The following MKLN1 variants were observed in gnomAD, a reference collection of about 807,000 sequenced individuals.
MKLN1 encodes the protein muskelin.
Under a neutral mutation model 99.0 loss-of-function variants are expected in MKLN1, and 18 were observed. The ratio of observed to expected loss-of-function variants is 0.18; its 90% CI spans 0.13 to 0.27. The LOEUF is 0.27. Among genes scored for constraint, MKLN1 ranks in the 10% least tolerant of loss-of-function variants. The probability of loss-of-function intolerance (pLI) is 1.00; values close to 1 mark genes in which losing one functional copy is unlikely to be tolerated. For synonymous variants in MKLN1, 288 were observed against 293.2 expected (o/e 0.98, Z 0.18); for missense variants, 621 against 875.9 (o/e 0.71, Z 3.67).
At chr7:131,455,982 G>A (rs1246588742) in intron 12 of MKLN1, among the ~76,000 whole-genome samples, 1 of 152,070 alleles carries the variant, frequency 6.6e-6, no homozygotes, top group African/African-American at 2.4e-5. Context: ...GGAGGCAGAG[G>A]TTGCAGTGAA....
At chr7:131,444,586 T>A (rs1357597514) in intron 11 of MKLN1, among the ~76,000 whole-genome samples, 2 of 151,966 alleles carry the variant, frequency 1.3e-5, no homozygotes, top group African/African-American at 4.8e-5. Context: ...ACTTTATATC[T>A]TTTCTTTTTA....
At position 131,119,671 on chromosome 7, in the gene MKLN1, T is replaced by C. The variant is rs569949675; in HGVS notation, c.-419+9464T>C. On this transcript the variant is annotated intron_variant, in intron 1 of 7. Coordinates refer to the MKLN1 transcript ENST00000416992. ...TGCAGAGACTCCCAAACCTTGATTC[T>C]TGCCTTCTGTGCACCCACAGGCCCA... is the stretch of plus-strand genomic sequence containing the variant. Among the ~76,000 whole-genome samples the C allele has an allele frequency of 9.6e-4, 146 of 152,342 alleles. 1 individual carries two copies. The highest frequency in any genetic ancestry group is 3.4e-3 in the African/African-American group (143 of 41,582).
At chr7:131,214,312 C>T (rs1796947574) in intron 3 of MKLN1, among the ~76,000 whole-genome samples, 1 of 151,754 alleles carries the variant, frequency 6.6e-6, no homozygotes, top group African/African-American at 2.4e-5. Flanking sequence ...GCTTCTGTTG[C>T]ATGTCTTGGC....
intron 3 of MKLN1, chr7:131,310,034 G>A (rs1004624705): frequency 6.6e-6 from 1 of 152,280 alleles, no homozygotes; most frequent in East Asian, 1.9e-4. Flanking sequence ...CCACAAGTGG[G>A]TTTTTAAAAG....
intron 3 of MKLN1, among the ~76,000 whole-genome samples, chr7:131,387,497 T>C (rs1177167138): frequency 6.6e-6 from 1 of 152,156 alleles, no homozygotes; most frequent in Admixed American, 6.5e-5. Context: ...ACAAACTTTT[T>C]TGTTTCATCC....
chr7:131,375,556 A>G (rs957182029), intron 2 of MKLN1, 63 bp downstream of exon 2: 6 of 950,146 alleles, frequency 6.3e-6, no homozygotes, highest in African/African-American at 3.2e-5. Context: ...CACTCAATTG[A>G]TACTAGTTAT....
chr7:131,254,846 A>C (rs976966180), intron 3 of MKLN1, among the ~76,000 whole-genome samples: 1 of 152,188 alleles, frequency 6.6e-6, no homozygotes, highest in Non-Finnish European at 1.5e-5. Context: ...GGTTACCAGA[A>C]GAAGAGGAGA....
rs181772694 is a variant in MKLN1 at position 131,250,276 on chromosome 7, G to A, written c.-179+47302G>A. On this transcript the variant is annotated intron_variant, in intron 3 of 7. Transcript: ENST00000416992. ...GAGATGATGAGTGCAGGCTGAAGCG[G>A]GAACCCAGGGAAGAGACCCTTCCAT... Among the ~76,000 whole-genome samples the A allele has an allele frequency of 2.6e-3, 393 of 152,254 alleles. 1 individual carries two copies. Among genetic ancestry groups the A allele is most frequent in the Non-Finnish European group, 4.4e-3 (298 of 68,016 alleles).
intron 1 of MKLN1, chr7:131,328,233 G>C: frequency 1.9e-6 from 1 of 529,234 alleles, no homozygotes; most frequent in Non-Finnish European, 3.3e-6. Context: ...GGCGGATCCG[G>C]GGCGCGCACA....
chr7:131,406,827 G>T (rs1350314896), intron 6 of MKLN1, among the ~76,000 whole-genome samples: 1 of 151,996 alleles, frequency 6.6e-6, no homozygotes, highest in African/African-American at 2.4e-5. Context: ...CCTTGTTGCT[G>T]TTGAGAGGTG....
At chr7:131,368,906 C>G (rs1043298551) in intron 1 of MKLN1, among the ~76,000 whole-genome samples, 2 of 151,894 alleles carry the variant, frequency 1.3e-5, no homozygotes, top group Non-Finnish European at 2.9e-5. Flanking sequence ...AGTAAAATCT[C>G]TTAATGGTAT....
chr7:131,280,857 C>G (rs1798040374), intron 3 of MKLN1, among the ~76,000 whole-genome samples: 1 of 152,018 alleles, frequency 6.6e-6, no homozygotes, highest in Non-Finnish European at 1.5e-5. Flanking sequence ...ACTATGTTGA[C>G]CAGGCTGTCT....
At chr7:131,392,730 T>TA (rs936819341) in intron 4 of MKLN1, among the ~76,000 whole-genome samples, 2 of 151,278 alleles carry the variant, frequency 1.3e-5, no homozygotes, top group African/African-American at 4.9e-5. Flanking sequence ...CTCAGCCTCC[T>TA]AAGTAGCCGT....
chr7:131,181,770 C>T (rs1744919642), intron 2 of MKLN1, among the ~76,000 whole-genome samples: 1 of 151,928 alleles, frequency 6.6e-6, no homozygotes, highest in Non-Finnish European at 1.5e-5. Context: ...AGCAATTATC[C>T]TGTCTCAGCC....
At chr7:131,126,474 G>T (rs1237860135) in intron 1 of MKLN1, among the ~76,000 whole-genome samples, 1 of 152,168 alleles carries the variant, frequency 6.6e-6, no homozygotes, top group Non-Finnish European at 1.5e-5. Context: ...TTTCTAAAAT[G>T]AGAATGTAGG....
At chr7:131,117,483 A>T (rs1310670395) in intron 1 of MKLN1, among the ~76,000 whole-genome samples, 1 of 152,148 alleles carries the variant, frequency 6.6e-6, no homozygotes, top group African/African-American at 2.4e-5. Context: ...AAGAAAAAAT[A>T]AAAAACAGGT....
intron 1 of MKLN1, among the ~76,000 whole-genome samples, chr7:131,343,815 A>G (rs780404011): frequency 6.6e-6 from 1 of 152,146 alleles, no homozygotes; most frequent in Non-Finnish European, 1.5e-5. Flanking sequence ...AAATCTGAGA[A>G]TGTGTGAATT....
In MKLN1 at chr7:131,445,759, T is replaced by TTTC. The variant is rs1554575719; in HGVS notation, c.1396-9_1396-7dup. On this transcript the variant is annotated splice_polypyrimidine_tract_variant and intron_variant, in intron 11 of 17. Coordinates refer to ENST00000352689, the MANE Select transcript of MKLN1 (RefSeq NM_013255.5). The stretch of plus-strand genomic sequence containing the variant: ...GATAAGTTACTCCTTTCTTTTTTTT[T>TTTC]TTCTTCTTTTTCAGAAAAATCGTTG... 69 of 1,582,570 alleles carry TTTC rather than the reference T, an allele frequency of 4.4e-5. No homozygotes were observed. In the Middle Eastern group the frequency reaches 1.4e-3, roughly 31 times the overall value.
chr7:131,381,482 C>G (rs189897566), intron 2 of MKLN1, among the ~76,000 whole-genome samples: 7 of 152,232 alleles, frequency 4.6e-5, no homozygotes, highest in Admixed American at 1.3e-4. Flanking sequence ...AATATTGCCC[C>G]CATCACTGTG....
Sources: allele counts gnomAD v4.1 joint callset (sites outside exome capture counted in the v4.1 genomes callset), GRCh38; gene constraint gnomAD v4.1.1; transcripts MANE v1.5; gene names NCBI Gene and HGNC (gene_info 2026-07-23, HGNC 2026-07-21).